RABL3: variants seen among roughly 807,000 people sequenced by gnomAD.
RABL3 encodes the protein RAB, member of RAS oncogene family like 3.
Under a neutral mutation model 31.8 loss-of-function variants are expected in RABL3, and 31 were observed. The observed-to-expected ratio is 0.97, with a 90% CI of 0.73 to 1.31. The LOEUF (loss-of-function observed/expected upper bound fraction) is 1.31, where lower values mean the gene tolerates loss of function less well. Among genes scored for constraint, RABL3 ranks in the 40% most tolerant of loss-of-function variants. The probability of loss-of-function intolerance (pLI) is 0.00; values close to 1 mark genes in which losing one functional copy is unlikely to be tolerated. For missense variants in RABL3, 263 were observed against 279.6 expected, an observed-to-expected ratio of 0.94 and a Z score of 0.42; for synonymous variants, 97 against 99.9, an observed-to-expected ratio of 0.97 and a Z score of 0.18.
chr3:120,726,538 C>T (rs1708823209), intron 2 of RABL3, among the ~76,000 whole-genome samples: 2 of 152,064 alleles, frequency 1.3e-5, no homozygotes, highest in East Asian at 3.9e-4. Context: ...GTCAGGAGTT[C>T]GAGACCAGCC....
At chr3:120,721,442 G>A (rs1389944221) in intron 2 of RABL3, among the ~76,000 whole-genome samples, 4 of 152,088 alleles carry the variant, frequency 2.6e-5, no homozygotes, top group Non-Finnish European at 5.9e-5. Flanking sequence ...CATCTCATGT[G>A]CAGAGACACA....
At chr3:120,733,455 A>G (rs966309627) in intron 1 of RABL3, among the ~76,000 whole-genome samples, 4 of 152,054 alleles carry the variant, frequency 2.6e-5, no homozygotes, top group Non-Finnish European at 5.9e-5. Flanking sequence ...GATTCTGGAT[A>G]TTAGCCCTTT....
intron 3 of RABL3, among the ~76,000 whole-genome samples, chr3:120,707,903 T>C (rs7433439): frequency 0.018 from 2,792 of 152,176 alleles, 93 homozygotes; most frequent in African/African-American, 0.064. Flanking sequence ...AAGGTGGGGC[T>C]GAGATGAAAG....
At chr3:120,736,720 C>A (rs549415615) in intron 1 of RABL3, among the ~76,000 whole-genome samples, 3 of 152,284 alleles carry the variant, frequency 2.0e-5, no homozygotes, top group Admixed American at 2.0e-4. Context: ...TCTTTTAGGG[C>A]AGGCCTGGTG....
At chr3:120,730,916 T>C (rs1708875350) in intron 1 of RABL3, 129 bp from the exon 2 acceptor site, 1 of 671,900 alleles carries the variant, frequency 1.5e-6, no homozygotes, top group Non-Finnish European at 2.6e-6. Flanking sequence ...ATACCAACAA[T>C]ATAAGCTTCA....
chr3:120,693,588 G>C (rs1708403965), intron 6 of RABL3, among the ~76,000 whole-genome samples: 1 of 152,194 alleles, frequency 6.6e-6, no homozygotes, highest in Non-Finnish European at 1.5e-5. Context: ...GACAAAGAGT[G>C]CTCTAATTTA....
intron 1 of RABL3, among the ~76,000 whole-genome samples, chr3:120,733,476 T>A (rs987581323): frequency 2.6e-5 from 4 of 152,160 alleles, no homozygotes; most frequent in African/African-American, 9.7e-5. Context: ...GTCAGATGAG[T>A]AGATTGCAAA....
chr3:120,698,691 T>A, intron 4 of RABL3, 118 bp from the exon 5 acceptor site: 1 of 847,634 alleles, frequency 1.2e-6, no homozygotes, highest in Non-Finnish European at 1.8e-6. Flanking sequence ...TTTGCTGCCT[T>A]CACCTACAAA....
intron 2 of RABL3, among the ~76,000 whole-genome samples, chr3:120,721,387 C>T (rs1298920243): frequency 6.6e-6 from 1 of 152,100 alleles, no homozygotes; most frequent in African/African-American, 2.4e-5. Context: ...AAGACACAGA[C>T]TGGCAAATTG....
intron 1 of RABL3, among the ~76,000 whole-genome samples, chr3:120,735,048 G>A (rs940551094): frequency 6.6e-6 from 1 of 152,184 alleles, no homozygotes; most frequent in Admixed American, 6.5e-5. Flanking sequence ...TCAGGATGAT[G>A]CTGGCCTCGT....
At chr3:120,740,571 C>A (rs945556161) in intron 1 of RABL3, among the ~76,000 whole-genome samples, 1 of 152,036 alleles carries the variant, frequency 6.6e-6, no homozygotes, top group Non-Finnish European at 1.5e-5. Context: ...TAAGTCATTT[C>A]TTTATATATT....
chr3:120,701,617 G>C (rs946415638), intron 4 of RABL3, among the ~76,000 whole-genome samples: 1 of 152,110 alleles, frequency 6.6e-6, no homozygotes, highest in Admixed American at 6.6e-5. Context: ...AATTGAGATA[G>C]GAAATAAATA....
At chr3:120,716,588 A>C (rs1708672378) in intron 2 of RABL3, among the ~76,000 whole-genome samples, 1 of 152,046 alleles carries the variant, frequency 6.6e-6, no homozygotes, top group East Asian at 1.9e-4. Flanking sequence ...CACATTGTGC[A>C]CATGTACCCT....
chr3:120,735,656 T>G (rs1050351090), intron 1 of RABL3, among the ~76,000 whole-genome samples: 2 of 152,172 alleles, frequency 1.3e-5, no homozygotes, highest in Non-Finnish European at 2.9e-5. Context: ...GTTTTAGATC[T>G]TTCCTGCTTT....
intron 6 of RABL3, 94 bp from the exon 7 acceptor site, chr3:120,690,581 C>T: frequency 9.7e-6 from 8 of 826,112 alleles, no homozygotes; most frequent in Non-Finnish European, 1.6e-5. Flanking sequence ...GGAATATATC[C>T]AAACTAAGAA....
intron 1 of RABL3, among the ~76,000 whole-genome samples, chr3:120,741,685 T>A (rs553490312): frequency 2.6e-4 from 40 of 152,288 alleles, no homozygotes; most frequent in South Asian, 1.7e-3. Context: ...ATTAAAAAAA[T>A]ATATATATAT....
chr3:120,730,339 T>C (rs1361886201), intron 2 of RABL3, among the ~76,000 whole-genome samples: 1 of 152,214 alleles, frequency 6.6e-6, no homozygotes, highest in Non-Finnish European at 1.5e-5. Context: ...TTACATTATA[T>C]TTCTAGCTGA....
intron 1 of RABL3, among the ~76,000 whole-genome samples, chr3:120,737,229 A>C (rs888568638): frequency 2.0e-5 from 3 of 151,634 alleles, no homozygotes; most frequent in Admixed American, 1.3e-4. Context: ...CGTTCTTTTT[A>C]CTCTTTTTTC....
At chr3:120,731,507 T>C (rs1708882487) in intron 1 of RABL3, among the ~76,000 whole-genome samples, 1 of 152,164 alleles carries the variant, frequency 6.6e-6, no homozygotes, top group Non-Finnish European at 1.5e-5. Context: ...GGAAATCTAG[T>C]TATTCATTCT....
Sources: allele counts gnomAD v4.1 joint callset (sites outside exome capture counted in the v4.1 genomes callset), GRCh38; gene constraint gnomAD v4.1.1; transcripts MANE v1.5; gene names NCBI Gene and HGNC (gene_info 2026-07-23, HGNC 2026-07-21).